DACH1: variants seen among roughly 807,000 people sequenced by gnomAD.
DACH1 encodes dachshund family transcription factor 1.
A neutral mutation model predicts 54.2 loss-of-function variants in DACH1; 12 were observed. That is an observed-to-expected ratio of 0.22 (90% CI 0.14 to 0.36). The LOEUF is 0.36. Among genes scored for constraint, DACH1 ranks in the 10% least tolerant of loss-of-function variants. The pLI, the probability that DACH1 is intolerant of heterozygous loss-of-function variation, is 1.00. For synonymous variants in DACH1, 386 were observed against 366.2 expected (o/e 1.05, Z -0.62); for missense variants, 805 against 929.8 (o/e 0.87, Z 1.75).
rs373946606 is a variant in DACH1, at chr13:71,808,102, C to T, written c.848+57820G>A. 5.3e-5 allele frequency among the ~76,000 whole-genome samples: 8 copies of T among 152,152 alleles called. No homozygotes were observed. In the East Asian group the frequency reaches 5.8e-4, roughly 11 times the overall value. The stretch of plus-strand genomic sequence containing the variant: ...GACATCACCACCCAACCTGGACCAA[C>T]GTCTTCACCATACCCACTTACACCA... On this transcript the variant is annotated intron_variant, in intron 1 of 10. Coordinates refer to ENST00000613252, the MANE Select transcript of DACH1 (RefSeq NM_080759.6).
intron 1 of DACH1, among the ~76,000 whole-genome samples, chr13:71,812,446 T>G (rs984390147): frequency 3.9e-5 from 6 of 152,078 alleles, no homozygotes; most frequent in African/African-American, 1.4e-4. Flanking sequence ...CACATTACCT[T>G]TATTCCAAAA....
chr13:71,567,670 G>T lies in DACH1; in HGVS notation c.1299+5170C>A, dbSNP rs541940358. ...TTAATCTTTATGACAACCTAATGGG[G>T]TAGTGCTGTTATTACATAAAATACA... On this transcript the variant is annotated intron_variant, in intron 4 of 10. Coordinates refer to ENST00000613252, the MANE Select transcript of DACH1 (RefSeq NM_080759.6). Among the ~76,000 whole-genome samples, 27 of 152,060 alleles carry T rather than the reference G, an allele frequency of 1.8e-4. No individual in the cohort carries two copies. The South Asian group carries it at 5.6e-3, about 32-fold the overall frequency.
chr13:71,654,161 C>T (rs938768826), intron 2 of DACH1, among the ~76,000 whole-genome samples: 3 of 151,844 alleles, frequency 2.0e-5, no homozygotes, highest in East Asian at 1.9e-4. Flanking sequence ...GAGGCTGAGG[C>T]GGGAAGATCA....
chr13:71,705,949 T>C (rs923586202), intron 1 of DACH1, among the ~76,000 whole-genome samples: 15 of 152,080 alleles, frequency 9.9e-5, no homozygotes, highest in Non-Finnish European at 1.9e-4. Context: ...TCCTTTTTCT[T>C]CTGTACCCTT....
chr13:71,816,439 A>C (rs1361815046), intron 1 of DACH1, among the ~76,000 whole-genome samples: 1 of 151,868 alleles, frequency 6.6e-6, no homozygotes, highest in Non-Finnish European at 1.5e-5. Flanking sequence ...ATCCTATTAT[A>C]AAGACACATG....
At position 71,714,422 on chromosome 13, in the gene DACH1, G is replaced by A. The variant is rs1236466965; in HGVS notation, c.849-32512C>T. ...AATATTTTTCCAGAATTACAAAATAGTAAGAATCCTTTTCGAAAAGTATCA... is the reference window on the plus strand; with the variant it reads ...AATATTTTTCCAGAATTACAAAATAATAAGAATCCTTTTCGAAAAGTATCA... On this transcript the variant is annotated intron_variant, in intron 1 of 10. Transcript: ENST00000613252. Among the ~76,000 whole-genome samples the A allele has an allele frequency of 2.6e-5, 4 of 152,138 alleles. No homozygotes were observed. In the East Asian group the frequency reaches 7.7e-4, roughly 29 times the overall value.
At chr13:71,456,339 C>CA (rs1419138325) in intron 10 of DACH1, among the ~76,000 whole-genome samples, 1 of 152,000 alleles carries the variant, frequency 6.6e-6, no homozygotes, top group African/African-American at 2.4e-5. Context: ...GTCATGGTAA[C>CA]ATAGGCCACT....
chr13:71,815,972 C>T (rs1221098196), intron 1 of DACH1, among the ~76,000 whole-genome samples: 2 of 151,866 alleles, frequency 1.3e-5, no homozygotes, highest in Non-Finnish European at 2.9e-5. Context: ...GTAGTCCCAG[C>T]TACTCGGGAG....
At position 71,676,369 on chromosome 13, in the gene DACH1, C is replaced by A. The variant is rs538055572; in HGVS notation, c.964+5426G>T. On this transcript the variant is annotated intron_variant, in intron 2 of 10. Coordinates refer to ENST00000613252, the MANE Select transcript of DACH1 (RefSeq NM_080759.6). ...AGTAGCTGGAATTACAGGCACCTGC[C>A]ACCATGCCCAGCTAATTTTTGTATT... 3.3e-5 allele frequency among the ~76,000 whole-genome samples: 5 copies of A among 152,256 alleles called. No individual in the cohort carries two copies. The East Asian group carries it at 9.7e-4, about 29-fold the overall frequency.
chr13:71,737,812 C>T (rs1594159100), intron 1 of DACH1, among the ~76,000 whole-genome samples: 1 of 152,178 alleles, frequency 6.6e-6, no homozygotes, highest in South Asian at 2.1e-4. Flanking sequence ...AAGTTATAAT[C>T]AACAATGTTT....
At chr13:71,823,176 T>A (rs890706947) in intron 1 of DACH1, among the ~76,000 whole-genome samples, 3 of 152,086 alleles carry the variant, frequency 2.0e-5, no homozygotes, top group Non-Finnish European at 4.4e-5. Flanking sequence ...AGCAACCCTT[T>A]CATTAAAATG....
At position 71,764,428 on chromosome 13, in the gene DACH1, A is replaced by G. The variant is rs184556386; in HGVS notation, c.849-82518T>C. 3.6e-3 allele frequency among the ~76,000 whole-genome samples: 547 copies of G among 152,292 alleles called. 4 individuals are homozygous for G. The highest frequency in any genetic ancestry group is 6.8e-3 in the Middle Eastern group (2 of 294). On this transcript the variant is annotated intron_variant, in intron 1 of 10. Transcript: ENST00000613252. Reference sequence around the variant, plus strand: ...ATTAAAAAATTTAAATTAGGATAAAAAAATTGTAAAAGAATTATAATACAT... The same window carrying G: ...ATTAAAAAATTTAAATTAGGATAAAGAAATTGTAAAAGAATTATAATACAT...
At chr13:71,734,151 TCCCATATA>T (rs1326714338) in intron 1 of DACH1, among the ~76,000 whole-genome samples, 2 of 148,038 alleles carry the variant, frequency 1.4e-5, no homozygotes, top group African/African-American at 2.5e-5. Context: ...TATATGTATA[TCCCATATA>T]CGTATACCCC....
At chr13:71,844,252 A>T (rs1873070785) in intron 1 of DACH1, among the ~76,000 whole-genome samples, 1 of 152,204 alleles carries the variant, frequency 6.6e-6, no homozygotes, top group Non-Finnish European at 1.5e-5. Flanking sequence ...TTAGTTTCAC[A>T]AAATACTGTT....
At chr13:71,851,230 CT>C (rs1873638526) in intron 1 of DACH1, among the ~76,000 whole-genome samples, 1 of 152,182 alleles carries the variant, frequency 6.6e-6, no homozygotes, top group Admixed American at 6.5e-5. Context: ...AGGCAAGTAG[CT>C]TCTCCTGATT....
At chr13:71,857,772 T>C (rs1023829058) in intron 1 of DACH1, among the ~76,000 whole-genome samples, 4 of 151,722 alleles carry the variant, frequency 2.6e-5, no homozygotes, top group African/African-American at 7.2e-5. Context: ...TAATATCATT[T>C]TGAATAATCA....
At chr13:71,855,143 T>G (rs1873918442) in intron 1 of DACH1, among the ~76,000 whole-genome samples, 1 of 151,288 alleles carries the variant, frequency 6.6e-6, no homozygotes. Context: ...ACTTTTATGT[T>G]TGGTTCTTAT....
intron 2 of DACH1, among the ~76,000 whole-genome samples, chr13:71,651,439 G>A (rs1878658303): frequency 6.6e-6 from 1 of 151,984 alleles, no homozygotes; most frequent in Admixed American, 6.6e-5. Context: ...TTTATGAGTG[G>A]GTTCTAACTC....
chr13:71,455,992 A>G lies in DACH1; in HGVS notation c.2084-15300T>C, dbSNP rs200556180. Among the ~76,000 whole-genome samples, 6 of 152,272 alleles carry G rather than the reference A, an allele frequency of 3.9e-5. No individual in the cohort carries two copies. The East Asian group carries it at 1.2e-3, about 29-fold the overall frequency. On this transcript the variant is annotated intron_variant, in intron 10 of 10. Transcript: ENST00000613252. ...GCTTTCTAAAATGGAAAGCAGTAACAACAAAAAAAGGCAAAATGTCCTATT... is the reference window on the plus strand; with the variant it reads ...GCTTTCTAAAATGGAAAGCAGTAACGACAAAAAAAGGCAAAATGTCCTATT...
Sources: allele counts gnomAD v4.1 joint callset (sites outside exome capture counted in the v4.1 genomes callset), GRCh38; gene constraint gnomAD v4.1.1; transcripts MANE v1.5; gene names NCBI Gene and HGNC (gene_info 2026-07-23, HGNC 2026-07-21).